The following RAB35 variants were observed in gnomAD, a reference collection of about 807,000 sequenced individuals.
RAB35 encodes RAB35, member RAS oncogene family.
In RAB35, 4 loss-of-function variants were observed where a neutral mutation model predicts 28.9. The observed-to-expected ratio is 0.14, with a 90% CI of 0.07 to 0.32. The LOEUF (loss-of-function observed/expected upper bound fraction) is 0.32, where lower values mean the gene tolerates loss of function less well. RAB35 is among the 10% of genes least tolerant of loss of function. RAB35 has a pLI of 1.00. For synonymous variants in RAB35, 99 were observed against 105.1 expected (o/e 0.94, Z 0.35); for missense variants, 128 against 274.0 (o/e 0.47, Z 3.76).
At position 120,098,952 on chromosome 12, in the gene RAB35, A is replaced by C; in HGVS notation, c.353-17T>G. The stretch of plus-strand genomic sequence containing the variant: ...TATTACCCACTTCAAACGAAGGCAG[A>C]GTCAGCGCAGCCCTGAGGGGCGCAG... On this transcript the variant is annotated splice_polypyrimidine_tract_variant and intron_variant, in intron 4 of 5. Coordinates refer to ENST00000229340, the MANE Select transcript of RAB35 (RefSeq NM_006861.7). The C allele has an allele frequency of 6.2e-7, 1 of 1,614,178 alleles. No individual in the cohort carries two copies. The highest frequency in any genetic ancestry group is 8.5e-7 in the Non-Finnish European group (1 of 1,180,038).
intron 1 of RAB35, 73 bp downstream of exon 1, chr12:120,116,526 G>T: frequency 1.3e-6 from 1 of 795,994 alleles, no homozygotes; most frequent in Non-Finnish European, 1.5e-6. Context: ...CTCCCCGCCC[G>T]CCTGCCGCCC....
At position 120,095,955 on chromosome 12, in the gene RAB35, G is replaced by T. The variant is rs1273743081; in HGVS notation, c.*1290C>A. 6.4e-6 allele frequency: 1 copy of T among 156,810 alleles called. No individual in the cohort carries two copies. Among genetic ancestry groups the T allele is most frequent in the Non-Finnish European group, 1.4e-5 (1 of 71,100 alleles). The allele number at this position is 156,810 out of a possible 1,614,324, so 9.7% of individuals were successfully genotyped here. On this transcript the variant is annotated 3_prime_UTR_variant, in exon 6 of 6. Coordinates refer to ENST00000229340, the MANE Select transcript of RAB35 (RefSeq NM_006861.7). ...GGAGGGGAATGAGGTGTCCGGGCTG[G>T]GGGTCGGGGAGCAGTCATCAAGTGC...
intron 1 of RAB35, among the ~76,000 whole-genome samples, chr12:120,110,290 A>ATTTTTTTTATT (rs755385856): frequency 1.1e-5 from 1 of 88,596 alleles, no homozygotes; most frequent in Non-Finnish European, 2.0e-5. Flanking sequence ...AGCCCACAGC[A>ATTTTTTTTATT]TTTTTTTTTT....
chr12:120,107,177 C>CG (rs1400072032), intron 2 of RAB35, among the ~76,000 whole-genome samples: 2 of 151,368 alleles, frequency 1.3e-5, no homozygotes, highest in Non-Finnish European at 2.9e-5. Context: ...TTAGTAGAGA[C>CG]GGGGTTTCAC....
intron 3 of RAB35, among the ~76,000 whole-genome samples, chr12:120,102,786 T>C (rs1472700052): frequency 6.6e-6 from 1 of 152,174 alleles, no homozygotes; most frequent in Non-Finnish European, 1.5e-5. Flanking sequence ...AGGGGGCCGC[T>C]GGCTGGGACT....
At chr12:120,102,952 T>A (rs977050340) in intron 3 of RAB35, among the ~76,000 whole-genome samples, 3 of 152,010 alleles carry the variant, frequency 2.0e-5, no homozygotes, top group Non-Finnish European at 4.4e-5. Context: ...GCGCCCTCTG[T>A]CAAATGGGAT....
chr12:120,104,683 G>A (rs7300023), intron 2 of RAB35, among the ~76,000 whole-genome samples: 3 of 151,930 alleles, frequency 2.0e-5, no homozygotes, highest in African/African-American at 2.4e-5. Flanking sequence ...TCATTCTGTC[G>A]CCCAGGCTGG....
intron 2 of RAB35, 144 bp downstream of exon 2, chr12:120,108,273 C>G: frequency 2.5e-6 from 2 of 801,756 alleles, no homozygotes; most frequent in Non-Finnish European, 4.1e-6. Context: ...GTCCTAAGCC[C>G]CACTCCATCT....
At chr12:120,104,047 C>T (rs1875768848) in intron 2 of RAB35, 98 bp from the exon 3 acceptor site, 2 of 1,492,364 alleles carry the variant, frequency 1.3e-6, no homozygotes, top group Non-Finnish European at 1.8e-6. Flanking sequence ...CCCCACCCTC[C>T]CGACTCATTA....
chr12:120,107,734 G>A (rs1372143500), intron 2 of RAB35, among the ~76,000 whole-genome samples: 1 of 151,662 alleles, frequency 6.6e-6, no homozygotes, highest in Non-Finnish European at 1.5e-5. Context: ...GGGCGTGGTG[G>A]CAGGTGCCTA....
intron 3 of RAB35, among the ~76,000 whole-genome samples, chr12:120,102,117 A>G (rs1875682527): frequency 6.6e-6 from 1 of 152,200 alleles, no homozygotes; most frequent in Non-Finnish European, 1.5e-5. Flanking sequence ...CGGCAGACTC[A>G]GGGCCAACCC....
chr12:120,110,971 C>T (rs551001711), intron 1 of RAB35, among the ~76,000 whole-genome samples: 9 of 151,500 alleles, frequency 5.9e-5, no homozygotes, highest in African/African-American at 2.2e-4. Context: ...CTGGCCTCGC[C>T]GCCTCCTCTG....
rs2139058793 is a variant in RAB35 at position 120,108,996 on chromosome 12, GGCTGATGTCCCC to G, written c.53-541_53-530del. Among the ~76,000 whole-genome samples the G allele has an allele frequency of 2.0e-5, 3 of 152,320 alleles. 1 individual carries two copies. The South Asian group carries it at 6.2e-4, about 32-fold the overall frequency. On this transcript the variant is annotated intron_variant, in intron 1 of 5. Coordinates refer to ENST00000229340, the MANE Select transcript of RAB35 (RefSeq NM_006861.7). ...AGAACTCAATGGCTACCATCTTTCT[GGCTGATGTCCCC>G]GCCGGGTGGGCTGGTGGAGTGGAGG...
rs1875324872 is a variant in RAB35 at position 120,095,286 on chromosome 12, T to C, written c.*1959A>G. Reference sequence around the variant, plus strand: ...CCACCCCATAACCCCCATTCATGCGTGTAACAGTGGGACAGGCACACTGTC... The same window carrying C: ...CCACCCCATAACCCCCATTCATGCGCGTAACAGTGGGACAGGCACACTGTC... On this transcript the variant is annotated 3_prime_UTR_variant, in exon 6 of 6. Transcript: ENST00000229340. The C allele has an allele frequency of 8.0e-6, 1 of 125,486 alleles. No homozygotes were observed. The highest frequency in any genetic ancestry group is 1.6e-5 in the Non-Finnish European group (1 of 61,306). The allele number at this position is 125,486 out of a possible 1,614,324, so 7.8% of individuals were successfully genotyped here. A position where few individuals can be genotyped will look rare whatever the true frequency, so the allele number is the denominator to read the frequency against.
intron 1 of RAB35, among the ~76,000 whole-genome samples, chr12:120,114,873 T>G (rs1384994531): frequency 6.6e-6 from 1 of 152,182 alleles, no homozygotes; most frequent in African/African-American, 2.4e-5. Flanking sequence ...CCAGATGTCT[T>G]GCAGAGGGAT....
rs536889077 is a variant in RAB35 at position 120,099,058 on chromosome 12, C to T, written c.324G>A (p.Gln108=). The change falls in exon 4 of 6, where the codon CAG becomes CAA. Residue 108 remains glutamine, a synonymous_variant. Transcript: ENST00000229340. ...NVKRWLHEIN[Q]NCDDVCRILV... ...ATATTCGGCACACATCATCACAGTT[C>T]TGGTTGATTTCGTGAAGCCACCGCT... 5.6e-6 allele frequency: 9 copies of T among 1,613,610 alleles called. No individual in the cohort carries two copies. Among genetic ancestry groups the T allele is most frequent in the Non-Finnish European group, 7.6e-6 (9 of 1,179,776 alleles).
At chr12:120,108,491 T>C (rs777363724) in intron 1 of RAB35, 24 bp from the exon 2 acceptor site, 1 of 1,611,870 alleles carries the variant, frequency 6.2e-7, no homozygotes, top group South Asian at 1.1e-5. Context: ...AGCACTGCGA[T>C]GAGGGGGGCA....
chr12:120,098,170 C>T (rs547188045), intron 5 of RAB35, among the ~76,000 whole-genome samples: 2 of 152,248 alleles, frequency 1.3e-5, no homozygotes, highest in African/African-American at 2.4e-5. Context: ...AGGCGTGAGC[C>T]GGCGCGCCCG....
intron 4 of RAB35, 35 bp from the exon 5 acceptor site, chr12:120,098,970 G>A: frequency 1.2e-6 from 2 of 1,613,994 alleles, no homozygotes; most frequent in East Asian, 2.2e-5. Context: ...CAGCCCTGAG[G>A]GGCGCAGCCG....
Sources: allele counts gnomAD v4.1 joint callset (sites outside exome capture counted in the v4.1 genomes callset), GRCh38; gene constraint gnomAD v4.1.1; transcripts MANE v1.5; gene names NCBI Gene and HGNC (gene_info 2026-07-23, HGNC 2026-07-21).